SPOP: variants seen among roughly 807,000 people sequenced by gnomAD.
The protein encoded by SPOP is speckle type BTB/POZ protein.
SPOP carries 11 observed loss-of-function variants against 45.6 expected under a neutral mutation model. The observed-to-expected ratio is 0.24, with a 90% CI of 0.15 to 0.40. The LOEUF is 0.40. SPOP is among the 10% of genes least tolerant of loss of function. The pLI is 1.00. For synonymous variants in SPOP, 166 were observed against 166.3 expected (o/e 1.00, Z 0.01); for missense variants, 152 against 465.6 (o/e 0.33, Z 6.20).
intron 3 of SPOP, among the ~76,000 whole-genome samples, chr17:49,620,467 CAAA>C (rs755698106): frequency 1.5e-5 from 1 of 66,902 alleles, no homozygotes; most frequent in African/African-American, 5.6e-5. Context: ...GACTCTGTCT[CAAA>C]AAAAAAAAAA....
intron 1 of SPOP, among the ~76,000 whole-genome samples, chr17:49,642,710 C>T (rs1361768572): frequency 6.6e-6 from 1 of 152,150 alleles, no homozygotes; most frequent in Non-Finnish European, 1.5e-5. Flanking sequence ...TCATTTTCTT[C>T]TAAAGAAAGA....
At position 49,632,750 on chromosome 17, in the gene SPOP, G is replaced by A. The variant is rs557923543; in HGVS notation, c.-66-9874C>T. Among the ~76,000 whole-genome samples the A allele has an allele frequency of 1.2e-4, 18 of 152,206 alleles. No homozygotes were observed. In the South Asian group the frequency reaches 1.2e-3, roughly 11 times the overall value. ...CACCTTGGCCTCCCAAATTACAGGCGTGAGCCACTACGCCTTGCCTCAAGT... is the reference window on the plus strand; with the variant it reads ...CACCTTGGCCTCCCAAATTACAGGCATGAGCCACTACGCCTTGCCTCAAGT... On this transcript the variant is annotated intron_variant, in intron 1 of 9. Coordinates refer to ENST00000504102, the MANE Select transcript of SPOP (RefSeq NM_001007228.2).
chr17:49,606,536 T>C (rs1470484071), intron 8 of SPOP, among the ~76,000 whole-genome samples: 2 of 149,494 alleles, frequency 1.3e-5, no homozygotes, highest in East Asian at 3.9e-4. Context: ...TCTTGCTCTG[T>C]TGCCCAGGCT....
At chr17:49,622,312 G>T in intron 2 of SPOP, 1 of 601,492 alleles carries the variant, frequency 1.7e-6, no homozygotes, top group South Asian at 1.5e-5. Context: ...AAACATACAG[G>T]AAAAACAGAA....
intron 5 of SPOP, among the ~76,000 whole-genome samples, chr17:49,618,205 AC>A (rs2072131657): frequency 6.6e-6 from 1 of 152,212 alleles, no homozygotes; most frequent in African/African-American, 2.4e-5. Context: ...TGCAGGGAAC[AC>A]TAATGCCCCA....
Position 49,655,806 on chromosome 17 carries a change from C to A in SPOP, c.-67+22127G>T, listed in dbSNP as rs954185316. On this transcript the variant is annotated intron_variant, in intron 1 of 9. Coordinates refer to ENST00000504102, the MANE Select transcript of SPOP (RefSeq NM_001007228.2). ...TCAGTCTTAGCCATAAAATAATTTT[C>A]GAATGAAAAAAATTTTTTTTTGAGA... 2.0e-5 allele frequency among the ~76,000 whole-genome samples: 3 copies of A among 152,040 alleles called. No individual in the cohort carries two copies. The South Asian group carries it at 6.2e-4, about 32-fold the overall frequency.
chr17:49,621,825 A>G, intron 3 of SPOP, 121 bp downstream of exon 3: 2 of 1,073,064 alleles, frequency 1.9e-6, no homozygotes. Context: ...TGGGAAATAC[A>G]GTAAGAACAA....
At chr17:49,647,313 T>TA (rs1156781114) in intron 1 of SPOP, among the ~76,000 whole-genome samples, 3,738 of 43,098 alleles carry the variant, frequency 0.087, 391 homozygotes, top group East Asian at 0.17. Flanking sequence ...GATGCCGTCT[T>TA]AAAAAAAAAA....
intron 8 of SPOP, among the ~76,000 whole-genome samples, chr17:49,606,317 C>A (rs1348605088): frequency 6.6e-6 from 1 of 151,380 alleles, no homozygotes; most frequent in Non-Finnish European, 1.5e-5. Flanking sequence ...TCACACTTGG[C>A]TAAATTTTTT....
Position 49,619,203 on chromosome 17 carries a change from T to C in SPOP, c.352+31A>G, listed in dbSNP as rs75926508. ...TGTATGAAACTTCTGGATGTGAAAC[T>C]TAAGAGTTGAACAAAGAGGAGAACA... On this transcript the variant is annotated intron_variant, in intron 4 of 9. Transcript: ENST00000504102. This position sits in a 1 kb window ranked among gnomAD's most constrained non-coding sequence, Gnocchi z 4.9. 312 of 1,613,972 alleles carry C rather than the reference T, an allele frequency of 1.9e-4. No individual in the cohort carries two copies. Among genetic ancestry groups the C allele is most frequent in the Non-Finnish European group, 2.6e-4 (303 of 1,179,932 alleles).
At chr17:49,654,515 C>CT (rs2072882152) in intron 1 of SPOP, among the ~76,000 whole-genome samples, 3 of 152,098 alleles carry the variant, frequency 2.0e-5, no homozygotes, top group South Asian at 4.1e-4. Context: ...TCCTTTCTTT[C>CT]TTTTTTTTAA....
At chr17:49,616,241 G>T (rs2072082997) in intron 5 of SPOP, among the ~76,000 whole-genome samples, 1 of 152,030 alleles carries the variant, frequency 6.6e-6, no homozygotes. Context: ...AACATAAAAG[G>T]GTGCTTCTCG....
intron 1 of SPOP, among the ~76,000 whole-genome samples, chr17:49,652,011 T>A (rs1478561539): frequency 2.7e-5 from 4 of 149,512 alleles, no homozygotes; most frequent in Admixed American, 2.7e-4. Flanking sequence ...AGAGTGACAT[T>A]CTCAAAAAAA....
At chr17:49,628,146 T>C (rs2072375777) in intron 1 of SPOP, among the ~76,000 whole-genome samples, 1 of 152,206 alleles carries the variant, frequency 6.6e-6, no homozygotes, top group Non-Finnish European at 1.5e-5. Context: ...TGCTCTTGCC[T>C]TCAAACAAGT....
rs143894933 is a variant in SPOP at position 49,601,839 on chromosome 17, G to A, written c.980+26C>T. ...CTTCAGCTATCCAACTATTTTGAAA[G>A]AAGAACTTTGAAGATGCCAACTCAC... is the stretch of plus-strand genomic sequence containing the variant. On this transcript the variant is annotated intron_variant, in intron 9 of 9. Transcript: ENST00000504102. 422 of 1,610,300 alleles carry A rather than the reference G, an allele frequency of 2.6e-4. No homozygotes were observed. The African/African-American group carries it at 4.9e-3, about 19-fold the overall frequency.
intron 1 of SPOP, among the ~76,000 whole-genome samples, chr17:49,624,716 T>C (rs547270194): frequency 1.3e-5 from 2 of 152,088 alleles, no homozygotes; most frequent in East Asian, 1.9e-4. Flanking sequence ...TCAAGCAGTA[T>C]GCCCACCTTG....
intron 8 of SPOP, among the ~76,000 whole-genome samples, chr17:49,605,892 G>A (rs1233544890): frequency 1.3e-5 from 2 of 151,158 alleles, no homozygotes; most frequent in Non-Finnish European, 2.9e-5. Flanking sequence ...GGAGGCTGAG[G>A]CAGGAGAATC....
chr17:49,624,345 A>G (rs915224630), intron 1 of SPOP, among the ~76,000 whole-genome samples: 4 of 151,780 alleles, frequency 2.6e-5, no homozygotes, highest in East Asian at 1.9e-4. Context: ...ACACACACAC[A>G]CACACACACA....
At chr17:49,657,888 A>C (rs1216156246) in intron 1 of SPOP, among the ~76,000 whole-genome samples, 3 of 149,698 alleles carry the variant, frequency 2.0e-5, no homozygotes, top group East Asian at 4.0e-4. Context: ...TTTTTAGTAG[A>C]GACAGGGTGT....
Sources: gnomAD v4.1 joint callset for allele counts (sites outside exome capture counted in the v4.1 genomes callset) on GRCh38, gnomAD v4.1.1 for gene constraint, Gnocchi (gnomAD v3.1) non-coding constraint, MANE v1.5 for transcripts, NCBI Gene and HGNC (gene_info 2026-07-23, HGNC 2026-07-21) for gene names.